CEP112: variants seen among roughly 807,000 people sequenced by gnomAD.
The protein encoded by CEP112 is centrosomal protein 112.
CEP112 carries 127 observed loss-of-function variants against 153.0 expected under a neutral mutation model. The ratio of observed to expected loss-of-function variants is 0.83; its 90% CI spans 0.72 to 0.96. CEP112 has a LOEUF of 0.96. Ranked by LOEUF, CEP112 falls within the 40% of genes least tolerant of loss-of-function variation. CEP112 has a pLI of 0.00. For synonymous variants in CEP112, 358 were observed against 374.4 expected (o/e 0.96, Z 0.51); for missense variants, 1,089 against 1,101.2 (o/e 0.99, Z 0.16).
intron 15 of CEP112, among the ~76,000 whole-genome samples, chr17:66,027,949 C>G (rs973677905): frequency 1.4e-5 from 2 of 145,960 alleles, no homozygotes; most frequent in African/African-American, 5.0e-5. Flanking sequence ...AAGAGAGAGA[C>G]AGAGGGAGAG....
chr17:65,738,366 TC>T (rs1367344184), intron 23 of CEP112, among the ~76,000 whole-genome samples: 2 of 152,318 alleles, frequency 1.3e-5, no homozygotes, highest in East Asian at 3.9e-4. Flanking sequence ...TACACATTTT[TC>T]AGCCAAAATC....
intron 23 of CEP112, among the ~76,000 whole-genome samples, chr17:65,721,169 C>T (rs1019369315): frequency 5.9e-5 from 9 of 152,050 alleles, no homozygotes; most frequent in African/African-American, 2.2e-4. Flanking sequence ...CGCTACCATG[C>T]CTGGCTAATT....
intron 21 of CEP112, among the ~76,000 whole-genome samples, chr17:65,802,526 C>T (rs150416481): frequency 0.011 from 1,690 of 152,298 alleles, 30 homozygotes; most frequent in African/African-American, 0.038. Context: ...CTCACCCACT[C>T]AGTCACACAA....
At chr17:65,871,847 G>A (rs560053137) in intron 20 of CEP112, among the ~76,000 whole-genome samples, 2 of 152,302 alleles carry the variant, frequency 1.3e-5, no homozygotes, top group Non-Finnish European at 2.9e-5. Context: ...TGTTTATAGT[G>A]TCAGTAGAGA....
At chr17:66,118,590 G>C (rs973595799) in intron 6 of CEP112, among the ~76,000 whole-genome samples, 12 of 152,048 alleles carry the variant, frequency 7.9e-5, no homozygotes, top group African/African-American at 2.7e-4. Context: ...GGGTTAAATA[G>C]GGACTGGTAA....
At chr17:65,766,009 G>C (rs2052943491) in intron 21 of CEP112, among the ~76,000 whole-genome samples, 1 of 150,592 alleles carries the variant, frequency 6.6e-6, no homozygotes, top group Non-Finnish European at 1.5e-5. Flanking sequence ...TGACCCCAAA[G>C]AAAAGAAAAT....
At chr17:65,722,741 C>T (rs2049963583) in intron 23 of CEP112, among the ~76,000 whole-genome samples, 1 of 152,124 alleles carries the variant, frequency 6.6e-6, no homozygotes, top group Admixed American at 6.5e-5. Context: ...TGTTTGAGAA[C>T]AGAGTGATGG....
intron 17 of CEP112, among the ~76,000 whole-genome samples, chr17:65,988,963 G>A (rs144031725): frequency 0.031 from 4,779 of 152,074 alleles, 139 homozygotes; most frequent in South Asian, 0.11. Flanking sequence ...GGTGGCTCAC[G>A]CCTGTAATCC....
chr17:66,008,639 C>G (rs983359885), intron 16 of CEP112, among the ~76,000 whole-genome samples: 1 of 152,094 alleles, frequency 6.6e-6, no homozygotes, highest in Non-Finnish European at 1.5e-5. Context: ...CCATTCTGAC[C>G]AGCCTAAACT....
At position 65,772,589 on chromosome 17, in the gene CEP112, C is replaced by A. The variant is rs1007594359; in HGVS notation, c.2395-21865G>T. ...CCTCTATTTATTACACACACACACA[C>A]ACACACACACACACACACACACACA... On this transcript the variant is annotated intron_variant, in intron 21 of 26. Coordinates refer to ENST00000535342, the MANE Select transcript of CEP112 (RefSeq NM_001199165.4). Among the ~76,000 whole-genome samples the A allele has an allele frequency of 6.3e-5, 6 of 95,544 alleles. No individual in the cohort carries two copies. The East Asian group carries it at 2.6e-3, about 42-fold the overall frequency. The allele number at this position is 95,544 out of a possible 152,430, so 62.7% of individuals were successfully genotyped here.
chr17:66,104,849 C>T (rs1216292201), intron 6 of CEP112, among the ~76,000 whole-genome samples: 1 of 152,096 alleles, frequency 6.6e-6, no homozygotes, highest in East Asian at 1.9e-4. Flanking sequence ...GGGATTTGAT[C>T]AACACCAGAC....
At chr17:66,147,531 A>T (rs2070972092) in intron 4 of CEP112, among the ~76,000 whole-genome samples, 1 of 152,098 alleles carries the variant, frequency 6.6e-6, no homozygotes, top group South Asian at 2.1e-4. Flanking sequence ...AGTTCAATGT[A>T]TCTTTTTTTT....
At chr17:65,829,143 T>C (rs941220352) in intron 21 of CEP112, among the ~76,000 whole-genome samples, 1 of 152,212 alleles carries the variant, frequency 6.6e-6, no homozygotes, top group Non-Finnish European at 1.5e-5. Flanking sequence ...TATGTCTTAA[T>C]TAGCATTTTC....
At position 65,885,742 on chromosome 17, in the gene CEP112, T is replaced by G. The variant is rs187177328; in HGVS notation, c.2163+16410A>C. Among the ~76,000 whole-genome samples the G allele has an allele frequency of 2.7e-3, 404 of 152,358 alleles. 3 individuals are homozygous for G. Among genetic ancestry groups the G allele is most frequent in the Middle Eastern group, 0.017 (5 of 294 alleles). On this transcript the variant is annotated intron_variant, in intron 20 of 26. Transcript: ENST00000535342. Reference sequence around the variant, plus strand: ...CTGTTTTTCCTTGTATTGAACCAGCTTGGCCCAGACTAGCCTGTCCTGCAG... The same window carrying G: ...CTGTTTTTCCTTGTATTGAACCAGCGTGGCCCAGACTAGCCTGTCCTGCAG...
intron 21 of CEP112, among the ~76,000 whole-genome samples, chr17:65,850,521 T>C (rs2057892308): frequency 6.6e-6 from 1 of 152,204 alleles, no homozygotes; most frequent in East Asian, 1.9e-4. Context: ...CCCAGCTCTC[T>C]ATTACCTTTC....
intron 21 of CEP112, among the ~76,000 whole-genome samples, chr17:65,778,235 G>C (rs1354794677): frequency 6.6e-6 from 1 of 152,158 alleles, no homozygotes; most frequent in Non-Finnish European, 1.5e-5. Context: ...TATATCCCAA[G>C]ACCAACACAC....
At position 66,029,105 on chromosome 17, in the gene CEP112, T is replaced by C. The variant is rs1400215701; in HGVS notation, c.1503+18A>G. 1.3e-6 allele frequency: 2 copies of C among 1,569,398 alleles called. No homozygotes were observed. Among genetic ancestry groups the C allele is most frequent in the Admixed American group, 3.5e-5 (2 of 57,240 alleles). On this transcript the variant is annotated intron_variant, in intron 14 of 26. Coordinates refer to ENST00000535342, the MANE Select transcript of CEP112 (RefSeq NM_001199165.4). Reference sequence around the variant, plus strand: ...GAATAAATACTTCATGTGGATTATCTATTAACATAAATAATACCTTAGAAG... The same window carrying C: ...GAATAAATACTTCATGTGGATTATCCATTAACATAAATAATACCTTAGAAG...
chr17:65,936,653 CA>C lies in CEP112; in HGVS notation c.1873-8965del, dbSNP rs1399396075. Among the ~76,000 whole-genome samples, 3 of 150,060 alleles carry C rather than the reference CA, an allele frequency of 2.0e-5. No homozygotes were observed. The East Asian group carries it at 6.2e-4, about 31-fold the overall frequency. On this transcript the variant is annotated intron_variant, in intron 18 of 26. Coordinates refer to ENST00000535342, the MANE Select transcript of CEP112 (RefSeq NM_001199165.4). ...CATATGCAAATCAATAAATGTTAGA[CA>C]ACGCATTAATAAAATGAAGAATAAA...
chr17:65,643,008 C>T (rs1426319650), intron 24 of CEP112, among the ~76,000 whole-genome samples: 1 of 152,212 alleles, frequency 6.6e-6, no homozygotes, highest in Non-Finnish European at 1.5e-5. Flanking sequence ...TTTCCCTTAT[C>T]CCCTCTTCCA....
Sources: allele counts gnomAD v4.1 joint callset (sites outside exome capture counted in the v4.1 genomes callset), GRCh38; gene constraint gnomAD v4.1.1; transcripts MANE v1.5; gene names NCBI Gene and HGNC (gene_info 2026-07-23, HGNC 2026-07-21).